MAP6: variants seen among roughly 807,000 people sequenced by gnomAD.
MAP6 encodes microtubule-associated protein 6.
Under a neutral mutation model 42.4 loss-of-function variants are expected in MAP6, and 26 were observed. That is an observed-to-expected ratio of 0.61 (90% CI 0.45 to 0.85). The LOEUF (loss-of-function observed/expected upper bound fraction) is 0.85. Among genes scored for constraint, MAP6 ranks in the 40% least tolerant of loss-of-function variants. The pLI, the probability that MAP6 is intolerant of heterozygous loss-of-function variation, is 0.00. For synonymous variants in MAP6, 418 were observed against 443.8 expected (o/e 0.94, Z 0.73); for missense variants, 966 against 1,099.0 (o/e 0.88, Z 1.71).
intron 1 of MAP6, among the ~76,000 whole-genome samples, chr11:75,633,015 T>C (rs1323777489): frequency 6.6e-6 from 1 of 151,562 alleles, no homozygotes; most frequent in Non-Finnish European, 1.5e-5. Context: ...TTTTTCTTTT[T>C]TTTTTTTTGG....
At chr11:75,661,064 A>T (rs577517614) in intron 1 of MAP6, among the ~76,000 whole-genome samples, 114 of 152,240 alleles carry the variant, frequency 7.5e-4, no homozygotes, top group Middle Eastern at 3.4e-3. Context: ...TCCACAAGAT[A>T]ATGCTATGAT....
intron 1 of MAP6, among the ~76,000 whole-genome samples, chr11:75,609,903 G>A (rs1942859222): frequency 6.6e-6 from 1 of 152,192 alleles, no homozygotes; most frequent in Admixed American, 6.5e-5. Flanking sequence ...TTGAAAGGTG[G>A]GGCCTGTAAA....
At chr11:75,649,543 A>T (rs1411465820) in intron 1 of MAP6, among the ~76,000 whole-genome samples, 2 of 152,168 alleles carry the variant, frequency 1.3e-5, no homozygotes, top group African/African-American at 4.8e-5. Context: ...TTATTTATTT[A>T]TTTATTTATT....
In MAP6 at chr11:75,605,812, T is replaced by C; in HGVS notation, c.1312A>G (p.Lys438Glu). 6.2e-7 allele frequency: 1 copy of C among 1,614,098 alleles called. No homozygotes were observed. Among genetic ancestry groups the C allele is most frequent in the Non-Finnish European group, 8.5e-7 (1 of 1,179,974 alleles). The change falls in exon 3 of 4, where the codon AAA becomes GAA. Residue 438 changes from lysine (K) to glutamate (E), a missense_variant. This residue lies in a region of MAP6 where 943 missense variants were observed against 1,049.9 expected (regional missense o/e 0.90). Coordinates refer to ENST00000304771, the MANE Select transcript of MAP6 (RefSeq NM_033063.2). ...KEMNNKLAEAKESLAQPVSDS... is the reference protein window; with the variant it reads ...KEMNNKLAEAEESLAQPVSDS... ...GGAAAGTGCAGGGAAATTTACTCTT[T>C]CGCCTCAGCCAGTTTATTGTTCATC...
At chr11:75,624,646 C>T (rs759554002) in intron 1 of MAP6, among the ~76,000 whole-genome samples, 2 of 152,166 alleles carry the variant, frequency 1.3e-5, no homozygotes, top group African/African-American at 2.4e-5. Flanking sequence ...CTCTTTTCTA[C>T]CCGAGATGCA....
At chr11:75,588,691 C>CTGCA (rs1480705889) in intron 3 of MAP6, among the ~76,000 whole-genome samples, 3 of 152,142 alleles carry the variant, frequency 2.0e-5, no homozygotes, top group African/African-American at 7.2e-5. Context: ...TAAGTGCTGG[C>CTGCA]TGCAAGAAGG....
Position 75,667,866 on chromosome 11 carries a change from G to T in MAP6, c.504C>A (p.Arg168=). Residue 168 remains arginine, a synonymous_variant, in exon 1 of 4, where the codon CGC becomes CGA. Transcript: ENST00000304771. This position sits in a 1 kb window ranked among gnomAD's most constrained non-coding sequence, Gnocchi z 5.6. ...GCTTGGGGATCCACGGGTGGTCCCC[G>T]CGGCGCGGCAGCGGCCAGGCGCGGA... The part of the protein sequence containing the change: ...KDFRAWPLPR[R]GDHPWIPKPV... 1 of 1,444,414 alleles carries T rather than the reference G, an allele frequency of 6.9e-7. No individual in the cohort carries two copies. The highest frequency in any genetic ancestry group is 1.5e-5 in the African/African-American group (1 of 68,762). The allele number at this position is 1,444,414 out of a possible 1,614,324, so 89.5% of individuals were successfully genotyped here.
chr11:75,645,675 G>T (rs933313131), intron 1 of MAP6, among the ~76,000 whole-genome samples: 2 of 151,986 alleles, frequency 1.3e-5, no homozygotes, highest in Admixed American at 6.6e-5. Context: ...AAAGCTTAAA[G>T]ACTTAAACAA....
intron 1 of MAP6, among the ~76,000 whole-genome samples, chr11:75,657,173 C>G (rs980311456): frequency 6.7e-6 from 1 of 149,986 alleles, no homozygotes; most frequent in Non-Finnish European, 1.5e-5. Context: ...TGCAGTGGCA[C>G]GATCTTGGTT....
intron 1 of MAP6, among the ~76,000 whole-genome samples, chr11:75,634,809 T>C (rs906773412): frequency 2.6e-5 from 4 of 152,224 alleles, no homozygotes; most frequent in Non-Finnish European, 5.9e-5. Context: ...TATTTTTCTA[T>C]TAATGAGTGT....
chr11:75,634,523 C>A (rs966980118), intron 1 of MAP6, among the ~76,000 whole-genome samples: 25 of 152,232 alleles, frequency 1.6e-4, no homozygotes, highest in African/African-American at 6.0e-4. Context: ...CCCACCTCAG[C>A]CTCCCAAAGT....
intron 1 of MAP6, 126 bp from the exon 2 acceptor site, chr11:75,608,448 G>A: frequency 2.7e-6 from 2 of 743,298 alleles, no homozygotes; most frequent in Non-Finnish European, 4.5e-6. Context: ...AGTGTGGCTG[G>A]AGGGTTAGCC....
chr11:75,655,204 C>T (rs534506059), intron 1 of MAP6, among the ~76,000 whole-genome samples: 3 of 152,316 alleles, frequency 2.0e-5, no homozygotes, highest in South Asian at 2.1e-4. Context: ...ATTAGGCCCA[C>T]TGCATTATTA....
At chr11:75,606,125 G>T in intron 2 of MAP6, 121 bp from the exon 3 acceptor site, 1 of 1,170,364 alleles carries the variant, frequency 8.5e-7, no homozygotes, top group Non-Finnish European at 1.2e-6. Flanking sequence ...TGGCTCAGGT[G>T]GAGCACAGTG....
At position 75,608,298 on chromosome 11, in the gene MAP6, G is replaced by A; in HGVS notation, c.930C>T (p.Asp310=). The A allele has an allele frequency of 1.2e-6, 2 of 1,614,158 alleles. No homozygotes were observed. Among genetic ancestry groups the A allele is most frequent in the Non-Finnish European group, 1.7e-6 (2 of 1,180,018 alleles). ...SYRNEFRAWT[D]IKPVKPIKAK... is the part of the protein sequence containing the mutation. ...CCTTTATTGGTTTCACAGGCTTGAT[G>A]TCCGTCCATGCCCTGAATTCATTCC... Residue 310 remains aspartate, a synonymous_variant, in exon 2 of 4, where the codon GAC becomes GAT. Transcript: ENST00000304771.
At chr11:75,594,835 A>C (rs1942549169) in intron 3 of MAP6, among the ~76,000 whole-genome samples, 1 of 152,186 alleles carries the variant, frequency 6.6e-6, no homozygotes, top group Non-Finnish European at 1.5e-5. Flanking sequence ...GAGCTCCTAG[A>C]GTGAGGCAGG....
At position 75,655,790 on chromosome 11, in the gene MAP6, G is replaced by A. The variant is rs191101813; in HGVS notation, c.905+11675C>T. On this transcript the variant is annotated intron_variant, in intron 1 of 3. Coordinates refer to ENST00000304771, the MANE Select transcript of MAP6 (RefSeq NM_033063.2). ...GGGAACATGAGGGGACTTGGCAGGGGCCTGCTGGAGCTGCACAAGCAAGAC... is the reference window on the plus strand; with the variant it reads ...GGGAACATGAGGGGACTTGGCAGGGACCTGCTGGAGCTGCACAAGCAAGAC... Among the ~76,000 whole-genome samples the A allele has an allele frequency of 3.5e-3, 536 of 152,322 alleles. 2 individuals carry two copies. Among genetic ancestry groups the A allele is most frequent in the Non-Finnish European group, 4.5e-3 (308 of 68,030 alleles).
At position 75,604,872 on chromosome 11, in the gene MAP6, G is replaced by C. The variant is rs373622430; in HGVS notation, c.1316+936C>G. The C allele has an allele frequency of 1.6e-5, 16 of 985,502 alleles. No individual in the cohort carries two copies. In the African/African-American group the frequency reaches 2.6e-4, roughly 16 times the overall value. 61.0% of individuals were successfully genotyped at this position (985,502 alleles called of 1,614,324 possible). On this transcript the variant is annotated intron_variant, in intron 3 of 3. Transcript: ENST00000304771. ...AGCAGACCAGAGCGGTTCAGGAAGG[G>C]AGAGTAAACATCGCCACACTTGCCA...
In MAP6 at chr11:75,595,042, C is replaced by T. The variant is rs1318502840; in HGVS notation, c.1317-6858G>A. ...TCCATAAAAGCAAAACTCCAGAAGC[C>T]AAATCAAAGGTGCCCAGGGCTGGAA... On this transcript the variant is annotated intron_variant, in intron 3 of 3. Transcript: ENST00000304771. Among the ~76,000 whole-genome samples the T allele has an allele frequency of 3.9e-5, 6 of 152,310 alleles. No individual in the cohort carries two copies. In the South Asian group the frequency reaches 1.2e-3, roughly 32 times the overall value.
Sources: allele counts gnomAD v4.1 joint callset (sites outside exome capture counted in the v4.1 genomes callset), GRCh38; gene constraint gnomAD v4.1.1; regional missense constraint gnomAD v4.1.1; non-coding constraint Gnocchi (gnomAD v3.1); transcripts MANE v1.5; gene names NCBI Gene and HGNC (gene_info 2026-07-23, HGNC 2026-07-21).